CD6: variants seen among roughly 807,000 people sequenced by gnomAD.
The protein encoded by CD6 is CD6 molecule, also known as T-cell differentiation antigen CD6.
In CD6, 53 loss-of-function variants were observed where a neutral mutation model predicts 75.3. The ratio of observed to expected loss-of-function variants is 0.70; its 90% CI spans 0.56 to 0.88. The LOEUF (loss-of-function observed/expected upper bound fraction) is 0.88. Among genes scored for constraint, CD6 ranks in the 40% least tolerant of loss-of-function variants. The pLI is 0.00. For synonymous variants in CD6, 359 were observed against 381.5 expected (o/e 0.94, Z 0.69); for missense variants, 770 against 897.1 (o/e 0.86, Z 1.81).
Position 61,007,551 on chromosome 11 carries a change from C to A in CD6, c.119-9C>A. The A allele has an allele frequency of 2.0e-6, 3 of 1,477,172 alleles. No homozygotes were observed. Among genetic ancestry groups the A allele is most frequent in the South Asian group, 1.3e-5 (1 of 75,806 alleles). The allele number at this position is 1,477,172 out of a possible 1,614,324, so 91.5% of individuals were successfully genotyped here. ...CACCGGTCTCAGCTCTCTGGTCTGACACTTCCAGGGGAGCGGCTTCCGGTC... is the reference window on the plus strand; with the variant it reads ...CACCGGTCTCAGCTCTCTGGTCTGAAACTTCCAGGGGAGCGGCTTCCGGTC... On this transcript the variant is annotated splice_polypyrimidine_tract_variant and intron_variant, in intron 2 of 12. Transcript: ENST00000313421. This position sits in a 1 kb window ranked among gnomAD's most constrained non-coding sequence, Gnocchi z 4.2.
At chr11:61,003,701 T>A (rs1445248107) in intron 1 of CD6, among the ~76,000 whole-genome samples, 4 of 152,192 alleles carry the variant, frequency 2.6e-5, no homozygotes. Context: ...GCCACTGCAC[T>A]CCAGCCTGGG....
At chr11:60,984,206 G>A (rs1416656203) in intron 1 of CD6, among the ~76,000 whole-genome samples, 4 of 152,206 alleles carry the variant, frequency 2.6e-5, no homozygotes, top group African/African-American at 9.6e-5. Context: ...CCCACTAGTT[G>A]TAACATTATT....
At chr11:61,015,689 C>A (rs751744346) in intron 8 of CD6, 24 bp from the exon 9 acceptor site, 2 of 1,613,736 alleles carry the variant, frequency 1.2e-6, no homozygotes, top group Non-Finnish European at 8.5e-7. Context: ...CTTTGCCATG[C>A]CCTCGACTCT....
chr11:61,018,134 T>C (rs1590732077), intron 11 of CD6, 121 bp downstream of exon 11: 2 of 1,380,106 alleles, frequency 1.4e-6, no homozygotes, highest in East Asian at 4.7e-5. Flanking sequence ...CCATTCGCTG[T>C]GTGCCCTTGG....
chr11:61,007,921 A>G lies in CD6; in HGVS notation c.469+11A>G. The G allele has an allele frequency of 7.6e-7, 1 of 1,309,222 alleles. No homozygotes were observed. Among genetic ancestry groups the G allele is most frequent in the East Asian group, 3.1e-5 (1 of 31,970 alleles). 81.1% of individuals were successfully genotyped at this position (1,309,222 alleles called of 1,614,324 possible). On this transcript the variant is annotated intron_variant, in intron 3 of 12. Coordinates refer to ENST00000313421, the MANE Select transcript of CD6 (RefSeq NM_006725.5). This position sits in a 1 kb window ranked among gnomAD's most constrained non-coding sequence, Gnocchi z 4.2. The stretch of plus-strand genomic sequence containing the variant: ...GTGTCACCTGTGCAGGTACGAGCGC[A>G]CCCCCTACACGGGCCCCCACCTGCC...
Position 61,019,344 on chromosome 11 carries a change from G to A in CD6, c.*26G>A, listed in dbSNP as rs1321528923. Reference sequence around the variant, plus strand: ...GCCGGGGCCAGCCGAGGCTCCTGGGGTGGCTCTGACCCTCTGGCCTCCTGC... The same window carrying A: ...GCCGGGGCCAGCCGAGGCTCCTGGGATGGCTCTGACCCTCTGGCCTCCTGC... On this transcript the variant is annotated 3_prime_UTR_variant, in exon 13 of 13. Coordinates refer to ENST00000313421, the MANE Select transcript of CD6 (RefSeq NM_006725.5). The A allele has an allele frequency of 3.1e-6, 5 of 1,592,762 alleles. 1 individual carries two copies. In the South Asian group the frequency reaches 4.4e-5, roughly 14 times the overall value.
rs183604080 is a variant in CD6 at position 60,971,746 on chromosome 11, G to T, written c.-120G>T. Reference sequence around the variant, plus strand: ...AGAGCAGAGAGAGACACAGGAACAAGAACAGCAAAGGGTAGAGCAGACCTG... The same window carrying T: ...AGAGCAGAGAGAGACACAGGAACAATAACAGCAAAGGGTAGAGCAGACCTG... On this transcript the variant is annotated 5_prime_UTR_variant, in exon 1 of 13. Transcript: ENST00000313421. 2.2e-5 allele frequency: 21 copies of T among 937,516 alleles called. No homozygotes were observed. Among genetic ancestry groups the T allele is most frequent in the East Asian group, 2.1e-4 (8 of 38,126 alleles). The allele number at this position is 937,516 out of a possible 1,614,324, so 58.1% of individuals were successfully genotyped here. A position where few individuals can be genotyped will look rare whatever the true frequency, so the allele number is the denominator to read the frequency against.
At chr11:60,978,325 A>T (rs1480101561) in intron 1 of CD6, among the ~76,000 whole-genome samples, 2 of 152,138 alleles carry the variant, frequency 1.3e-5, no homozygotes, top group Non-Finnish European at 2.9e-5. Context: ...GGGGCTCCCC[A>T]GTACCCTGAG....
chr11:61,002,426 G>A (rs1858627340), intron 1 of CD6, among the ~76,000 whole-genome samples: 1 of 151,950 alleles, frequency 6.6e-6, no homozygotes, highest in Non-Finnish European at 1.5e-5. Flanking sequence ...GTGTGGTGGT[G>A]GGTGCCTGTA....
At chr11:61,011,457 C>T (rs1490263501) in intron 6 of CD6, among the ~76,000 whole-genome samples, 1 of 152,086 alleles carries the variant, frequency 6.6e-6, no homozygotes, top group African/African-American at 2.4e-5. Context: ...AAGCAGGGGT[C>T]AGGGTCGGGG....
chr11:60,997,208 T>A (rs1397976117), intron 1 of CD6, among the ~76,000 whole-genome samples: 1 of 152,068 alleles, frequency 6.6e-6, no homozygotes, highest in Non-Finnish European at 1.5e-5. Context: ...AAACCCCATC[T>A]CTACTAAAAG....
In CD6 at chr11:61,009,858, C is replaced by T. The variant is rs1455375544; in HGVS notation, c.1068C>T (p.Ala356=). ...ACCTCTGCAGCCAGTCGCTGGCAGC[C>T]AGGGTCCTCTGCTCAGGTACCCCAT... The part of the protein sequence containing the change: ...NSNLCSQSLA[A]RVLCSASRSL... The change falls in exon 5 of 13, where the codon GCC becomes GCT. Residue 356 remains alanine (A), a synonymous_variant. Coordinates refer to ENST00000313421, the MANE Select transcript of CD6 (RefSeq NM_006725.5). 6.4e-7 allele frequency: 1 copy of T among 1,562,936 alleles called. No individual in the cohort carries two copies. Among genetic ancestry groups the T allele is most frequent in the Non-Finnish European group, 8.7e-7 (1 of 1,152,766 alleles).
Position 60,971,885 on chromosome 11 carries a change from T to C in CD6, c.20T>C (p.Ile7Thr). 6.2e-7 allele frequency: 1 copy of C among 1,614,044 alleles called. No individual in the cohort carries two copies. Among genetic ancestry groups the C allele is most frequent in the Non-Finnish European group, 8.5e-7 (1 of 1,180,000 alleles). The change falls in exon 1 of 13, where the codon ATC becomes ACC. Residue 7 changes from isoleucine (I) to threonine (T), a missense_variant. Transcript: ENST00000313421. MWLFFG[I>T]TGLLTAALSG... The stretch of plus-strand genomic sequence containing the variant: ...CCAGACATGTGGCTCTTCTTCGGGA[T>C]CACTGGATTGCTGACGGCAGCCCTC...
chr11:61,003,161 C>T (rs549997913), intron 1 of CD6, among the ~76,000 whole-genome samples: 2 of 152,244 alleles, frequency 1.3e-5, no homozygotes, highest in East Asian at 1.9e-4. Context: ...GACAGGGTTT[C>T]ACCATGTTGG....
At chr11:61,005,460 G>A (rs544061499) in intron 1 of CD6, among the ~76,000 whole-genome samples, 1 of 152,322 alleles carries the variant, frequency 6.6e-6, no homozygotes, top group African/African-American at 2.4e-5. Context: ...GAAGCCATAA[G>A]GCCCAGGAAG....
At position 61,020,246 on chromosome 11, in the gene CD6, G is replaced by C. The variant is rs757066516; in HGVS notation, c.*928G>C. 1.1e-4 allele frequency: 45 copies of C among 398,794 alleles called. No individual in the cohort carries two copies. Among genetic ancestry groups the C allele is most frequent in the African/African-American group, 1.6e-4 (8 of 48,600 alleles). The allele number at this position is 398,794 out of a possible 1,614,324, so 24.7% of individuals were successfully genotyped here. A position where few individuals can be genotyped will look rare whatever the true frequency, so the allele number is the denominator to read the frequency against. Reference sequence around the variant, plus strand: ...ATGAGGATGCTCCTGGGAGGGATGCGTGACTATGTGGTGTTGCACCCGGGG... The same window carrying C: ...ATGAGGATGCTCCTGGGAGGGATGCCTGACTATGTGGTGTTGCACCCGGGG... On this transcript the variant is annotated 3_prime_UTR_variant, in exon 13 of 13. Coordinates refer to ENST00000313421, the MANE Select transcript of CD6 (RefSeq NM_006725.5).
rs1450569876 is a variant in CD6, at chr11:61,008,852, G to A, written c.781+7G>A. Reference sequence around the variant, plus strand: ...GCGGGCGCGGTGTGCTCAGGTCAGTGGGCGGAGTCACTGAAGCCCGGTCAC... The same window carrying A: ...GCGGGCGCGGTGTGCTCAGGTCAGTAGGCGGAGTCACTGAAGCCCGGTCAC... On this transcript the variant is annotated splice_region_variant and intron_variant, in intron 4 of 12. Coordinates refer to ENST00000313421, the MANE Select transcript of CD6 (RefSeq NM_006725.5). 3 of 1,524,488 alleles carry A rather than the reference G, an allele frequency of 2.0e-6. No individual in the cohort carries two copies. The highest frequency in any genetic ancestry group is 2.3e-5 in the East Asian group (1 of 43,778). The allele number at this position is 1,524,488 out of a possible 1,614,324, so 94.4% of individuals were successfully genotyped here.
At chr11:61,006,737 G>C (rs1590711627) in intron 2 of CD6, 95 bp downstream of exon 2, 1 of 1,029,824 alleles carries the variant, frequency 9.7e-7, no homozygotes, top group South Asian at 1.4e-5. Flanking sequence ...AGGATACCAG[G>C]GAGGCTCCCT....
chr11:60,982,078 GGT>G (rs1857583261), intron 1 of CD6, among the ~76,000 whole-genome samples: 2 of 22,772 alleles, frequency 8.8e-5, no homozygotes, highest in African/African-American at 1.4e-4. Flanking sequence ...CGGGGGGGGG[GGT>G]TCTGTGCATG....
Sources: allele counts gnomAD v4.1 joint callset (sites outside exome capture counted in the v4.1 genomes callset), GRCh38; gene constraint gnomAD v4.1.1; non-coding constraint Gnocchi (gnomAD v3.1); transcripts MANE v1.5; gene names NCBI Gene and HGNC (gene_info 2026-07-23, HGNC 2026-07-21).